The following TMED3 variants were observed in gnomAD, a reference collection of about 807,000 sequenced individuals.
TMED3 encodes transmembrane p24 trafficking protein 3.
A neutral mutation model predicts 15.0 loss-of-function variants in TMED3; 9 were observed. The observed-to-expected ratio is 0.60, with a 90% confidence interval of 0.36 to 1.04. The LOEUF (loss-of-function observed/expected upper bound fraction) is 1.04, where lower values mean the gene tolerates loss of function less well. TMED3 is among the 50% of genes least tolerant of loss of function. The probability of loss-of-function intolerance (pLI) is 0.01; values close to 1 mark genes in which losing one functional copy is unlikely to be tolerated. For synonymous variants in TMED3, 117 were observed against 121.4 expected, an observed-to-expected ratio of 0.96 and a Z score of 0.24; for missense variants, 267 against 278.9, an observed-to-expected ratio of 0.96 and a Z score of 0.30.
chr15:79,392,579 G>T (rs1232868157), intron 2 of TMED3, among the ~76,000 whole-genome samples: 1 of 152,064 alleles, frequency 6.6e-6, no homozygotes, highest in African/African-American at 2.4e-5. Context: ...ATGTGCCCAG[G>T]CTTCTACTTT....
chr15:79,338,194 G>A (rs1328574883), intron 2 of TMED3, among the ~76,000 whole-genome samples: 1 of 152,204 alleles, frequency 6.6e-6, no homozygotes, highest in African/African-American at 2.4e-5. Flanking sequence ...TCTGGGAATT[G>A]AAGATAGAAA....
chr15:79,331,542 C>CAAAAAAAAAAA (rs71451761), intron 2 of TMED3, among the ~76,000 whole-genome samples: 2 of 89,288 alleles, frequency 2.2e-5, no homozygotes, highest in African/African-American at 9.8e-5. Context: ...GCAAAAGAAG[C>CAAAAAAAAAAA]AAAAAAAAAA....
intron 2 of TMED3, among the ~76,000 whole-genome samples, chr15:79,333,367 G>T (rs1156791445): frequency 1.3e-5 from 2 of 152,150 alleles, no homozygotes; most frequent in East Asian, 3.9e-4. Context: ...ACTCCTCCCT[G>T]CTCACCACCA....
intron 2 of TMED3, chr15:79,384,571 A>G (rs957232812): frequency 6.6e-6 from 1 of 152,242 alleles, no homozygotes; most frequent in African/African-American, 2.4e-5. Context: ...GGTGGGACAA[A>G]GAGAAATCAA....
chr15:79,397,867 T>C (rs1434242865), intron 2 of TMED3, among the ~76,000 whole-genome samples: 2 of 152,212 alleles, frequency 1.3e-5, no homozygotes, highest in Admixed American at 6.5e-5. Context: ...CAAAATTGAA[T>C]GAAAAATACA....
chr15:79,391,972 T>C (rs1893701667), intron 2 of TMED3, among the ~76,000 whole-genome samples: 1 of 152,206 alleles, frequency 6.6e-6, no homozygotes, highest in East Asian at 1.9e-4. Context: ...TTTATGTTTG[T>C]CCTTATGTGT....
chr15:79,376,210 C>T (rs575815410), intron 2 of TMED3, among the ~76,000 whole-genome samples: 25 of 146,942 alleles, frequency 1.7e-4, no homozygotes, highest in Non-Finnish European at 3.6e-4. Flanking sequence ...CCCGGGTTCA[C>T]GCAAGAGAAA....
intron 2 of TMED3, among the ~76,000 whole-genome samples, chr15:79,355,334 G>T (rs2058914638): frequency 6.6e-6 from 1 of 152,180 alleles, no homozygotes. Context: ...CCTGGAGGTG[G>T]TGGGAGTGCC....
intron 2 of TMED3, among the ~76,000 whole-genome samples, chr15:79,355,903 A>G (rs1212444290): frequency 1.3e-5 from 2 of 152,222 alleles, no homozygotes; most frequent in Admixed American, 1.3e-4. Flanking sequence ...AAAGTTCGAG[A>G]AAATGTAATT....
chr15:79,328,840 A>G (rs2058796994), intron 2 of TMED3, among the ~76,000 whole-genome samples: 2 of 152,152 alleles, frequency 1.3e-5, no homozygotes, highest in South Asian at 2.1e-4. Flanking sequence ...GAGCACTGAG[A>G]AGCAAAGTTG....
chr15:79,321,206 G>A (rs1398034989), intron 2 of TMED3, among the ~76,000 whole-genome samples: 5 of 152,218 alleles, frequency 3.3e-5, no homozygotes, highest in Non-Finnish European at 7.3e-5. Flanking sequence ...TCATATTAAC[G>A]TGATGCAGTC....
intron 2 of TMED3, among the ~76,000 whole-genome samples, chr15:79,407,521 G>A (rs993019877): frequency 6.6e-6 from 1 of 152,168 alleles, no homozygotes; most frequent in Non-Finnish European, 1.5e-5. Flanking sequence ...AGGCAATGAG[G>A]GAAGACGGGG....
At position 79,322,134 on chromosome 15, in the gene TMED3, G is replaced by A. The variant is rs960905878; in HGVS notation, c.574G>A (p.Val192Met). Residue 192 changes from valine to methionine, a missense_variant, in exon 3 of 3, where the codon GTG becomes ATG. Physicochemically the swap from Val to Met is conservative, Grantham distance 21 (BLOSUM62 1). Transcript: ENST00000299705. ...WSVGETIALF[V>M]VSFSQVLLLK... ...TGTTGGCGAGACGATTGCCCTGTTC[G>A]TGGTCAGCTTCAGTCAGGTGCTACT... 2.6e-5 allele frequency: 42 copies of A among 1,614,112 alleles called. No individual in the cohort carries two copies. The highest frequency in any genetic ancestry group is 4.5e-5 in the East Asian group (2 of 44,886).
chr15:79,311,332 A>T lies in TMED3; in HGVS notation c.83A>T (p.Glu28Val). The T allele has an allele frequency of 6.2e-7, 1 of 1,610,946 alleles. No individual in the cohort carries two copies. The highest frequency in any genetic ancestry group is 1.3e-5 in the African/African-American group (1 of 74,910). Residue 28 changes from glutamate to valine, a missense_variant, in exon 1 of 3, where the codon GAG (glutamate) becomes GTG (valine). This residue lies in a region of TMED3 where 59 missense variants were observed against 47.0 expected (regional missense o/e 1.26). Transcript: ENST00000299705. Reference protein sequence around the residue: ...LRRAEQPCGAELTFELPDNAK... With the variant: ...LRRAEQPCGAVLTFELPDNAK... ...CGGGCCGAGCAGCCCTGCGGGGCCG[A>T]GCTCACCTTCGAGCTGCCGGACAAC...
At chr15:79,324,921 C>A (rs909941771), downstream of TMED3, among the ~76,000 whole-genome samples, 7 of 152,186 alleles carry the variant, frequency 4.6e-5, no homozygotes, top group Non-Finnish European at 1.0e-4. Flanking sequence ...TTCATTTCCT[C>A]ATCTGTAAAA....
intron 2 of TMED3, among the ~76,000 whole-genome samples, chr15:79,367,499 C>A (rs8037754): frequency 6.6e-6 from 1 of 152,112 alleles, no homozygotes; most frequent in South Asian, 2.1e-4. Context: ...AATGCAAGCC[C>A]AAGTCCTATC....
At chr15:79,341,458 A>C (rs533957939) in intron 2 of TMED3, among the ~76,000 whole-genome samples, 8 of 152,270 alleles carry the variant, frequency 5.3e-5, no homozygotes, top group African/African-American at 1.9e-4. Flanking sequence ...TACAAATCCC[A>C]TAAGAGGGAG....
chr15:79,325,689 A>C (rs1350486757), downstream of TMED3, among the ~76,000 whole-genome samples: 6 of 152,240 alleles, frequency 3.9e-5, no homozygotes, highest in East Asian at 1.2e-3. Context: ...AAAAACCTCA[A>C]ATGTAGGGAG....
At chr15:79,339,722 G>T (rs1184538076) in intron 2 of TMED3, among the ~76,000 whole-genome samples, 1 of 151,802 alleles carries the variant, frequency 6.6e-6, no homozygotes, top group Non-Finnish European at 1.5e-5. Flanking sequence ...TGGCAATGGT[G>T]TTATGGTGGT....
Sources: allele counts gnomAD v4.1 joint callset (sites outside exome capture counted in the v4.1 genomes callset), GRCh38; gene constraint gnomAD v4.1.1; regional missense constraint gnomAD v4.1.1; transcripts MANE v1.5; gene names NCBI Gene and HGNC (gene_info 2026-07-23, HGNC 2026-07-21).